The following SUPT3H variants were observed in gnomAD, a reference collection of about 807,000 sequenced individuals.
SUPT3H encodes transcription initiation protein SPT3 homolog.
SUPT3H carries 44 observed loss-of-function variants against 44.3 expected under a neutral mutation model. The ratio of observed to expected loss-of-function variants is 0.99; its 90% CI spans 0.78 to 1.28. The LOEUF is 1.28. Ranked by LOEUF, SUPT3H falls within the 50% of genes most tolerant of loss-of-function variation. SUPT3H has a pLI of 0.00. For synonymous variants in SUPT3H, 124 were observed against 125.6 expected, an observed-to-expected ratio of 0.99 and a Z score of 0.09; for missense variants, 380 against 387.1, an observed-to-expected ratio of 0.98 and a Z score of 0.15.
chr6:45,253,872 T>TATATATATATATATATATACAC (rs1491408260), intron 2 of SUPT3H, among the ~76,000 whole-genome samples: 1 of 124,078 alleles, frequency 8.1e-6, no homozygotes, highest in African/African-American at 2.8e-5. Flanking sequence ...TATATATATA[T>TATATATATATATATATATACAC]ACACACACAC....
chr6:44,941,181 C>T (rs1562094731), intron 9 of SUPT3H, among the ~76,000 whole-genome samples: 1 of 151,940 alleles, frequency 6.6e-6, no homozygotes, highest in Non-Finnish European at 1.5e-5. Flanking sequence ...GCCAAATTGC[C>T]ATTTGATTCA....
intron 2 of SUPT3H, among the ~76,000 whole-genome samples, chr6:45,202,000 T>C (rs1193868819): frequency 6.6e-6 from 1 of 151,962 alleles, no homozygotes; most frequent in Admixed American, 6.6e-5. Flanking sequence ...TTTACATCTG[T>C]GATTTCCAAA....
At chr6:45,373,523 T>C (rs1396382404) in intron 1 of SUPT3H, among the ~76,000 whole-genome samples, 1 of 152,104 alleles carries the variant, frequency 6.6e-6, no homozygotes, top group Non-Finnish European at 1.5e-5. Flanking sequence ...AAAAGCACCA[T>C]TACTGTGACT....
chr6:45,088,864 A>C (rs1583473223), intron 3 of SUPT3H, among the ~76,000 whole-genome samples: 1 of 152,082 alleles, frequency 6.6e-6, no homozygotes, highest in Admixed American at 6.6e-5. Context: ...TGTGATATGG[A>C]ATTTAATTTA....
chr6:45,198,334 C>T (rs1816432689), intron 2 of SUPT3H, among the ~76,000 whole-genome samples: 1 of 151,286 alleles, frequency 6.6e-6, no homozygotes, highest in Non-Finnish European at 1.5e-5. Flanking sequence ...AAATGTCTAC[C>T]TCATTTGCTA....
intron 2 of SUPT3H, among the ~76,000 whole-genome samples, chr6:45,180,507 T>C (rs940346671): frequency 1.9e-4 from 5 of 26,986 alleles, no homozygotes; most frequent in Admixed American, 1.6e-3. Context: ...ATGGTACTGG[T>C]ACCAAAACAG....
intron 2 of SUPT3H, among the ~76,000 whole-genome samples, chr6:45,198,812 T>C (rs1816519746): frequency 6.6e-6 from 1 of 151,240 alleles, no homozygotes; most frequent in Non-Finnish European, 1.5e-5. Context: ...TATCATGAAA[T>C]AGCTACCTAT....
chr6:45,101,196 C>CGT (rs1798522131), intron 3 of SUPT3H, among the ~76,000 whole-genome samples: 2 of 152,210 alleles, frequency 1.3e-5, no homozygotes, highest in African/African-American at 4.8e-5. Flanking sequence ...GAGGCCAAGG[C>CGT]AGACAAATCA....
intron 2 of SUPT3H, among the ~76,000 whole-genome samples, chr6:45,115,040 C>G (rs997263991): frequency 7.9e-5 from 12 of 152,078 alleles, no homozygotes; most frequent in Admixed American, 2.0e-4. Flanking sequence ...GAAATTTAGT[C>G]AAAAAACTAA....
intron 10 of SUPT3H, among the ~76,000 whole-genome samples, chr6:44,883,033 C>T (rs1471507320): frequency 6.6e-6 from 1 of 152,090 alleles, no homozygotes; most frequent in Non-Finnish European, 1.5e-5. Flanking sequence ...AAGTTCTGGC[C>T]AGGGCAATCA....
intron 6 of SUPT3H, among the ~76,000 whole-genome samples, chr6:44,962,355 A>C (rs1776148228): frequency 6.6e-6 from 1 of 152,174 alleles, no homozygotes; most frequent in Non-Finnish European, 1.5e-5. Context: ...GGTATGATTC[A>C]TTTGGTATAG....
At chr6:44,941,275 T>G (rs1389835815) in intron 9 of SUPT3H, among the ~76,000 whole-genome samples, 1 of 152,124 alleles carries the variant, frequency 6.6e-6, no homozygotes. Context: ...AATATTAACC[T>G]TTTGTTTCCA....
At chr6:45,088,486 A>C (rs147209773) in intron 3 of SUPT3H, among the ~76,000 whole-genome samples, 226 of 152,188 alleles carry the variant, frequency 1.5e-3, no homozygotes, top group African/African-American at 5.2e-3. Context: ...TATCTTATAT[A>C]ATGCCTATGA....
rs1375352165 is a variant in SUPT3H at position 44,886,765 on chromosome 6, C to A, written c.912+45888G>T. Among the ~76,000 whole-genome samples the A allele has an allele frequency of 5.9e-5, 9 of 152,154 alleles. No homozygotes were observed. The East Asian group carries it at 7.7e-4, about 13-fold the overall frequency. ...ATGACAGGATCAAATTCACACATAACAATATTAACTTTAAATGTAAATGGA... is the reference window on the plus strand; with the variant it reads ...ATGACAGGATCAAATTCACACATAAAAATATTAACTTTAAATGTAAATGGA... On this transcript the variant is annotated intron_variant, in intron 10 of 10. Transcript: ENST00000371459.
At chr6:45,081,925 C>A (rs1041614916) in intron 3 of SUPT3H, among the ~76,000 whole-genome samples, 1 of 152,062 alleles carries the variant, frequency 6.6e-6, no homozygotes, top group Non-Finnish European at 1.5e-5. Context: ...AAATGCAATG[C>A]ATTAGTTTTA....
rs115663870 is a variant in SUPT3H, at chr6:45,115,304, C to A, written c.102-9298G>T. Among the ~76,000 whole-genome samples the A allele has an allele frequency of 7.5e-3, 1,144 of 152,068 alleles. 21 individuals are homozygous for A. The highest frequency in any genetic ancestry group is 0.026 in the African/African-American group (1,087 of 41,462). ...ATAAGAGAATTTTGTACCATCAGAT[C>A]TTTAGAAAATTATCAATATAAAATG... On this transcript the variant is annotated intron_variant, in intron 2 of 10. Coordinates refer to ENST00000371459, the MANE Select transcript of SUPT3H (RefSeq NM_003599.4).
chr6:45,125,912 C>T (rs1288345976), intron 2 of SUPT3H, among the ~76,000 whole-genome samples: 1 of 151,710 alleles, frequency 6.6e-6, no homozygotes, highest in Non-Finnish European at 1.5e-5. Flanking sequence ...TAAAAGTTTC[C>T]ATTTTCAGTT....
chr6:45,116,295 T>C (rs1800832071), intron 2 of SUPT3H, among the ~76,000 whole-genome samples: 1 of 152,150 alleles, frequency 6.6e-6, no homozygotes. Context: ...AATGAACACC[T>C]GTAAATCCTT....
At chr6:45,021,660 T>C (rs541348896) in intron 3 of SUPT3H, among the ~76,000 whole-genome samples, 2 of 152,138 alleles carry the variant, frequency 1.3e-5, no homozygotes, top group Admixed American at 1.3e-4. Flanking sequence ...TCTTGAGAAC[T>C]AATCTTTAAA....
Sources: gnomAD v4.1 joint callset for allele counts (sites outside exome capture counted in the v4.1 genomes callset) on GRCh38, gnomAD v4.1.1 for gene constraint, MANE v1.5 for transcripts, NCBI Gene and HGNC (gene_info 2026-07-23, HGNC 2026-07-21) for gene names.